MUC4: variants seen among roughly 807,000 people sequenced by gnomAD.
MUC4 encodes the protein mucin 4, cell surface associated, also known as mucin-4.
Under a neutral mutation model 257.9 loss-of-function variants are expected in MUC4, and 202 were observed. The ratio of observed to expected loss-of-function variants is 0.78; its 90% CI spans 0.70 to 0.88. MUC4 has a LOEUF of 0.88. Ranked by LOEUF, MUC4 falls within the 40% of genes least tolerant of loss-of-function variation. MUC4 has a pLI of 0.00. For missense variants in MUC4, 5,976 were observed against 6,513.7 expected (o/e 0.92, Z 2.84); for synonymous variants, 2,351 against 2,757.1 (o/e 0.85, Z 4.62).
rs199635197 is a variant in MUC4 at position 195,779,816 on chromosome 3, G to C, written c.11764C>G (p.Pro3922Ala). 2.0e-6 allele frequency: 2 copies of C among 1,017,178 alleles called. 1 individual carries two copies. Among genetic ancestry groups the C allele is most frequent in the East Asian group, 1.0e-4 (2 of 19,986 alleles). 63.0% of individuals were successfully genotyped at this position (1,017,178 alleles called of 1,614,324 possible). A position where few individuals can be genotyped will look rare whatever the true frequency, so the allele number is the denominator to read the frequency against. ...GATGCCGAGGAAACGTCGGTGACAGGAAGACGGGTGGTGTCATCTGTGGAA... is the reference window on the plus strand; with the variant it reads ...GATGCCGAGGAAACGTCGGTGACAGCAAGACGGGTGGTGTCATCTGTGGAA... Reference protein sequence around the residue: ...SASTDDTTRLPVTDVSSASTG... With the variant: ...SASTDDTTRLAVTDVSSASTG... The change falls in exon 2 of 25, where the codon CCT becomes GCT. Residue 3922 changes from proline (P) to alanine (A), a missense_variant. Pro to Ala is a conservative substitution (Grantham distance 27, BLOSUM62 -1). Around this residue, in one of 44 missense-constraint regions of MUC4, gnomAD observed 10 missense variants for 27.7 expected, o/e 0.36. Coordinates refer to ENST00000463781, the MANE Select transcript of MUC4 (RefSeq NM_018406.7).
At chr3:195,769,512 C>T (rs1722332251) in intron 6 of MUC4, 3 of 243,492 alleles carry the variant, frequency 1.2e-5, no homozygotes, top group South Asian at 9.6e-5. Context: ...CATTAGCTCC[C>T]GCGCGGATAT....
intron 8 of MUC4, among the ~76,000 whole-genome samples, chr3:195,765,948 C>CG (rs1720370596): frequency 6.6e-6 from 1 of 151,934 alleles, no homozygotes; most frequent in Non-Finnish European, 1.5e-5. Context: ...GTGAGACCCC[C>CG]GGGCCTCTTC....
Position 195,747,122 on chromosome 3 carries a change from A to G in MUC4, c.*54T>C, listed in dbSNP as rs1715179188. ...TCTCCCAAAAGCAATGGCGCCTTAA[A>G]TGTGCGGTAAGGATGAGGTGAGTCT... On this transcript the variant is annotated 3_prime_UTR_variant, in exon 25 of 25. Coordinates refer to ENST00000463781, the MANE Select transcript of MUC4 (RefSeq NM_018406.7). The G allele has an allele frequency of 6.2e-7, 1 of 1,604,052 alleles. No individual in the cohort carries two copies. Among genetic ancestry groups the G allele is most frequent in the Non-Finnish European group, 8.5e-7 (1 of 1,172,086 alleles).
chr3:195,775,201 T>G (rs1724095287), intron 3 of MUC4, among the ~76,000 whole-genome samples: 1 of 152,082 alleles, frequency 6.6e-6, no homozygotes, highest in South Asian at 2.1e-4. Context: ...CACCACTTGT[T>G]AAATGCCATT....
At chr3:195,749,914 T>C (rs1359021040) in intron 23 of MUC4, 1 of 152,336 alleles carries the variant, frequency 6.6e-6, no homozygotes, top group Non-Finnish European at 1.5e-5. Flanking sequence ...GCAATAAACA[T>C]ACGATGCTTG....
In MUC4 at chr3:195,789,266, G is replaced by C. The variant is rs1195407027; in HGVS notation, c.2314C>G (p.His772Asp). The change falls in exon 2 of 25, where the codon CAT (histidine) becomes GAT (aspartate). Residue 772 changes from histidine (H) to aspartate (D), a missense_variant. Transcript: ENST00000463781. ...TCTGTGCTCTCAGCCTGGTGGGTAT[G>C]GGTCATGGCTGCTGCTGTGTCAGGT... is the stretch of plus-strand genomic sequence containing the variant. ...TSPDTAAAMT[H>D]THQAESTEAS... 6.2e-7 allele frequency: 1 copy of C among 1,613,920 alleles called. No individual in the cohort carries two copies. The highest frequency in any genetic ancestry group is 1.7e-5 in the Admixed American group (1 of 60,006).
intron 1 of MUC4, among the ~76,000 whole-genome samples, chr3:195,803,147 C>G (rs902097844): frequency 6.6e-6 from 1 of 152,206 alleles, no homozygotes; most frequent in Non-Finnish European, 1.5e-5. Context: ...CAAACCACAT[C>G]TGAAAATCCA....
intron 7 of MUC4, among the ~76,000 whole-genome samples, chr3:195,767,657 C>CCAT (rs1721342622): frequency 5.0e-5 from 4 of 80,590 alleles, no homozygotes; most frequent in African/African-American, 1.8e-4. Flanking sequence ...ACCACCACCA[C>CCAT]CACCACCATC....
intron 23 of MUC4, 84 bp from the exon 24 acceptor site, chr3:195,749,148 G>A: frequency 6.6e-7 from 1 of 1,514,092 alleles, no homozygotes. Flanking sequence ...TCCTTTTCGG[G>A]TGTTTATCCT....
At chr3:195,761,424 A>T in intron 15 of MUC4, 60 bp downstream of exon 15, 2 of 1,390,664 alleles carry the variant, frequency 1.4e-6, no homozygotes, top group Admixed American at 3.4e-5. Flanking sequence ...GAGGGGGACG[A>T]CATAAACATA....
chr3:195,749,295 T>C (rs1198008470), intron 23 of MUC4, among the ~76,000 whole-genome samples: 1 of 69,964 alleles, frequency 1.4e-5, no homozygotes, highest in African/African-American at 9.8e-5. Context: ...TGGTGCTTCC[T>C]ATGGAAAAAG....
intron 7 of MUC4, among the ~76,000 whole-genome samples, chr3:195,767,708 CCA>C (rs1413045848): frequency 0.046 from 38 of 824 alleles, 1 homozygote; most frequent in South Asian, 0.15. Context: ...AAAAATACCA[CCA>C]TCGGCCACCA....
rs1733632011 is a variant in MUC4, at chr3:195,789,823, A to G, written c.1757T>C (p.Val586Ala). Residue 586 changes from valine to alanine, a missense_variant, in exon 2 of 25, where the codon GTG becomes GCG. Coordinates refer to ENST00000463781, the MANE Select transcript of MUC4 (RefSeq NM_018406.7). ...TGTGGCCGTTTTTATCATCTGAGTC[A>G]CACTGTAGCTTGGGCTGCTGAGAAG... ...EALLSSPSYS[V>A]TQMIKTATSP... 1 of 1,613,888 alleles carries G rather than the reference A, an allele frequency of 6.2e-7. No individual in the cohort carries two copies. The highest frequency in any genetic ancestry group is 1.3e-5 in the African/African-American group (1 of 74,924).
In MUC4 at chr3:195,798,722, T is replaced by C. The variant is rs182531085; in HGVS notation, c.83-7225A>G. ...CCGTCTCAAAAAAAAAATTAAAAATTAAAAAATATATATGTATAGTTTAAC... is the reference window on the plus strand; with the variant it reads ...CCGTCTCAAAAAAAAAATTAAAAATCAAAAAATATATATGTATAGTTTAAC... On this transcript the variant is annotated intron_variant, in intron 1 of 24. Coordinates refer to ENST00000463781, the MANE Select transcript of MUC4 (RefSeq NM_018406.7). Among the ~76,000 whole-genome samples, 6 of 152,212 alleles carry C rather than the reference T, an allele frequency of 3.9e-5. No homozygotes were observed. In the East Asian group the frequency reaches 1.2e-3, roughly 29 times the overall value.
At position 195,760,939 on chromosome 3, in the gene MUC4, G is replaced by T; in HGVS notation, c.14793C>A (p.Ile4931=). ...YDTLALRNAS[I]GLHTREVSKN... ...TACTGACTTCCCTCGTGTGAAGTCC[G>T]ATGCTTGCGTTGCGCAGGGCCAGGG... Residue 4931 remains isoleucine (I), a synonymous_variant, in exon 16 of 25, where the codon ATC becomes ATA. Transcript: ENST00000463781. 1.9e-6 allele frequency: 3 copies of T among 1,614,222 alleles called. No individual in the cohort carries two copies. Among genetic ancestry groups the T allele is most frequent in the Non-Finnish European group, 2.5e-6 (3 of 1,180,038 alleles).
rs1732369021 is a variant in MUC4, at chr3:195,786,924, A to T, written c.4656T>A (p.Pro1552=). The T allele has an allele frequency of 1.3e-6, 2 of 1,494,030 alleles. No homozygotes were observed. The highest frequency in any genetic ancestry group is 2.9e-5 in the African/African-American group (2 of 68,640). The allele number at this position is 1,494,030 out of a possible 1,614,324, so 92.5% of individuals were successfully genotyped here. A position where few individuals can be genotyped will look rare whatever the true frequency, so the allele number is the denominator to read the frequency against. The part of the protein sequence containing the change: ...PSSASTGDTT[P]LPVTDASSVS... ...CTGAGGAAGCGTCGGTGACAGGAAGAGGGGTGGTGTCACCTGTGGATGCTG... is the reference window on the plus strand; with the variant it reads ...CTGAGGAAGCGTCGGTGACAGGAAGTGGGGTGGTGTCACCTGTGGATGCTG... The change falls in exon 2 of 25, where the codon CCT becomes CCA. Residue 1552 remains proline, a synonymous_variant. Transcript: ENST00000463781.
chr3:195,752,521 C>A (rs1199673778), intron 20 of MUC4, 75 bp from the exon 21 acceptor site: 1 of 1,267,228 alleles, frequency 7.9e-7, no homozygotes. Context: ...GTCGGGCCAG[C>A]CCAAGTTGAC....
intron 19 of MUC4, chr3:195,753,732 G>A (rs764278065): frequency 1.1e-5 from 2 of 185,052 alleles, no homozygotes; most frequent in Non-Finnish European, 2.2e-5. Flanking sequence ...GGACTCAAAG[G>A]GAAAATCAGG....
Position 195,762,701 on chromosome 3 carries a change from A to C in MUC4, c.14344+154T>G, listed in dbSNP as rs76378476. Among the ~76,000 whole-genome samples the C allele has an allele frequency of 6.0e-3, 75 of 12,448 alleles. No individual in the cohort carries two copies. The highest frequency in any genetic ancestry group is 0.028 in the Middle Eastern group (1 of 36). The allele number at this position is 12,448 out of a possible 152,430, so 8.2% of individuals were successfully genotyped here. A position where few individuals can be genotyped will look rare whatever the true frequency, so the allele number is the denominator to read the frequency against. On this transcript the variant is annotated intron_variant, in intron 13 of 24. Coordinates refer to ENST00000463781, the MANE Select transcript of MUC4 (RefSeq NM_018406.7). ...CAACGCACCCGGCCCTGCACCGCAA[A>C]GCACTCGGCGCGGCACCGCCACGCG...
Sources: gnomAD v4.1 joint callset for allele counts (sites outside exome capture counted in the v4.1 genomes callset) on GRCh38, gnomAD v4.1.1 for gene constraint, gnomAD v4.1.1 regional missense constraint, MANE v1.5 for transcripts, NCBI Gene and HGNC (gene_info 2026-07-23, HGNC 2026-07-21) for gene names.